The following LSM8 variants were observed in gnomAD, a reference collection of about 807,000 sequenced individuals.
LSM8 encodes the protein LSM8 U6 small nuclear RNA associated.
A neutral mutation model predicts 15.0 loss-of-function variants in LSM8; 14 were observed. That is an observed-to-expected ratio of 0.93 (90% CI 0.62 to 1.46). The LOEUF is 1.46. Among genes scored for constraint, LSM8 ranks in the 40% most tolerant of loss-of-function variants. LSM8 has a pLI of 0.00. For missense variants in LSM8, 90 were observed against 115.4 expected, an observed-to-expected ratio of 0.78 and a Z score of 1.01; for synonymous variants, 50 against 42.1, an observed-to-expected ratio of 1.19 and a Z score of -0.73.
chr7:118,195,794 TAAA>T lies in LSM8; in HGVS notation c.*3795_*3797del, dbSNP rs1334980906. Among the ~76,000 whole-genome samples, 1 of 152,208 alleles carries T rather than the reference TAAA, an allele frequency of 6.6e-6. No individual in the cohort carries two copies. Among genetic ancestry groups the T allele is most frequent in the Non-Finnish European group, 1.5e-5 (1 of 68,024 alleles). On this transcript the variant is annotated 3_prime_UTR_variant, in exon 4 of 4. Transcript: ENST00000249299. Reference sequence around the variant, plus strand: ...AGTTTTAAGTCATGGGCAAATTTGATAAAAATTCCTTTCTGTCTACATGTAATA... The same window carrying T: ...AGTTTTAAGTCATGGGCAAATTTGATAATTCCTTTCTGTCTACATGTAATA...
rs911417747 is a variant in LSM8 at position 118,203,523 on chromosome 7, A to T, written c.*11521A>T. Reference sequence around the variant, plus strand: ...GAAAGGGACTAAAAATCAAGTAAATAGGATAATTGAGTTTCAATGGGCAAG... The same window carrying T: ...GAAAGGGACTAAAAATCAAGTAAATTGGATAATTGAGTTTCAATGGGCAAG... On this transcript the variant is annotated 3_prime_UTR_variant, in exon 4 of 4. Coordinates refer to ENST00000249299, the MANE Select transcript of LSM8 (RefSeq NM_016200.5). Among the ~76,000 whole-genome samples, 16 of 151,848 alleles carry T rather than the reference A, an allele frequency of 1.1e-4. No individual in the cohort carries two copies. Among genetic ancestry groups the T allele is most frequent in the Admixed American group, 3.9e-4 (6 of 15,196 alleles).
chr7:118,188,162 CGTCGTATAG>C (rs1808917141), intron 2 of LSM8, 107 bp from the exon 3 acceptor site: 2 of 1,161,074 alleles, frequency 1.7e-6, no homozygotes, highest in Admixed American at 4.2e-5. Flanking sequence ...TTTTATTTGC[CGTCGTATAG>C]GTACTTGTAT....
In LSM8 at chr7:118,184,174, T is replaced by A. The variant is rs1808838037; in HGVS notation, c.-50T>A. The A allele has an allele frequency of 1.9e-6, 3 of 1,544,154 alleles. No homozygotes were observed. Among genetic ancestry groups the A allele is most frequent in the East Asian group, 5.0e-5 (2 of 39,682 alleles). On this transcript the variant is annotated 5_prime_UTR_variant, in exon 1 of 4. Coordinates refer to ENST00000249299, the MANE Select transcript of LSM8 (RefSeq NM_016200.5). ...GGGTTCTGGCGCGCCCTTTCAGTTC[T>A]GCTTGCTGTCGGCACCGCTGCGTTA... is the stretch of plus-strand genomic sequence containing the variant.
intron 2 of LSM8, among the ~76,000 whole-genome samples, chr7:118,186,422 TA>T (rs1227437179): frequency 6.6e-6 from 1 of 152,226 alleles, no homozygotes; most frequent in Non-Finnish European, 1.5e-5. Flanking sequence ...TTTCTTTAAA[TA>T]ATTTGATCCC....
rs1187907947 is a variant in LSM8, at chr7:118,198,738, A to G, written c.*6736A>G. ...AAGGAGTAGACTGACCTCTCTGTAC[A>G]GTAAAGGCTCAAATCCTTTTTATTG... On this transcript the variant is annotated 3_prime_UTR_variant, in exon 4 of 4. Transcript: ENST00000249299. Among the ~76,000 whole-genome samples, 2 of 152,204 alleles carry G rather than the reference A, an allele frequency of 1.3e-5. No homozygotes were observed. Among genetic ancestry groups the G allele is most frequent in the Admixed American group, 1.3e-4 (2 of 15,282 alleles).
rs1349936901 is a variant in LSM8 at position 118,197,001 on chromosome 7, A to G, written c.*4999A>G. Among the ~76,000 whole-genome samples, 2 of 152,000 alleles carry G rather than the reference A, an allele frequency of 1.3e-5. No homozygotes were observed. Among genetic ancestry groups the G allele is most frequent in the Non-Finnish European group, 2.9e-5 (2 of 68,014 alleles). Reference sequence around the variant, plus strand: ...TTCGGCGTCCCAAAGTGCTGGAATTACAGGCATGAACCACCACGCCCAGCC... The same window carrying G: ...TTCGGCGTCCCAAAGTGCTGGAATTGCAGGCATGAACCACCACGCCCAGCC... On this transcript the variant is annotated 3_prime_UTR_variant, in exon 4 of 4. Transcript: ENST00000249299.
At position 118,202,379 on chromosome 7, in the gene LSM8, A is replaced by T. The variant is rs1809184891; in HGVS notation, c.*10377A>T. Reference sequence around the variant, plus strand: ...AAAAGTGAAAAGCAAGGCAGTTCAGACTGGGGCACCTACTCAAAGAAGTGA... The same window carrying T: ...AAAAGTGAAAAGCAAGGCAGTTCAGTCTGGGGCACCTACTCAAAGAAGTGA... On this transcript the variant is annotated 3_prime_UTR_variant, in exon 4 of 4. Coordinates refer to ENST00000249299, the MANE Select transcript of LSM8 (RefSeq NM_016200.5). 6.6e-6 allele frequency among the ~76,000 whole-genome samples: 1 copy of T among 151,990 alleles called. No homozygotes were observed. The highest frequency in any genetic ancestry group is 1.9e-4 in the East Asian group (1 of 5,190).
chr7:118,186,857 G>A (rs1024226543), intron 2 of LSM8, among the ~76,000 whole-genome samples: 3 of 152,160 alleles, frequency 2.0e-5, no homozygotes, highest in Non-Finnish European at 4.4e-5. Flanking sequence ...ACTTCAGGAA[G>A]CCTATTGCTG....
rs1380034520 is a variant in LSM8 at position 118,202,286 on chromosome 7, T to C, written c.*10284T>C. Among the ~76,000 whole-genome samples the C allele has an allele frequency of 6.6e-6, 1 of 152,032 alleles. No homozygotes were observed. Among genetic ancestry groups the C allele is most frequent in the East Asian group, 1.9e-4 (1 of 5,196 alleles). On this transcript the variant is annotated 3_prime_UTR_variant, in exon 4 of 4. Transcript: ENST00000249299. The stretch of plus-strand genomic sequence containing the variant: ...TAGAATGGTATTTGGCTATAAGCAC[T>C]GGAAACTCTGACTGCCAGTGGCTTT...
At chr7:118,186,476 T>G (rs908608716) in intron 2 of LSM8, among the ~76,000 whole-genome samples, 3 of 152,240 alleles carry the variant, frequency 2.0e-5, no homozygotes, top group African/African-American at 4.8e-5. Context: ...CATTTTCTTT[T>G]TAAGCCTTGT....
chr7:118,196,700 TTTTATTTATTTATTTATTTA>T lies in LSM8; in HGVS notation c.*4726_*4745del, dbSNP rs200053888. On this transcript the variant is annotated 3_prime_UTR_variant, in exon 4 of 4. Coordinates refer to ENST00000249299, the MANE Select transcript of LSM8 (RefSeq NM_016200.5). ...TTTCTTTTTTTTTAAGTCCTTTAAT[TTTTATTTATTTATTTATTTA>T]TTTATTTATTTATTTATTTATTTAT... Among the ~76,000 whole-genome samples the T allele has an allele frequency of 2.1e-3, 268 of 129,804 alleles. No homozygotes were observed. Among genetic ancestry groups the T allele is most frequent in the Admixed American group, 3.1e-3 (39 of 12,758 alleles). The allele number at this position is 129,804 out of a possible 152,430, so 85.2% of individuals were successfully genotyped here.
chr7:118,190,239 G>A (rs1158183209), intron 3 of LSM8: 1 of 152,154 alleles, frequency 6.6e-6, no homozygotes, highest in Non-Finnish European at 1.5e-5. Context: ...TGACTTTTAG[G>A]TGGAGTTACA....
chr7:118,191,628 T>A (rs1003598275), intron 3 of LSM8: 3 of 262,744 alleles, frequency 1.1e-5, no homozygotes, highest in Non-Finnish European at 2.2e-5. Flanking sequence ...TGTGTCTGTT[T>A]CCTTTAAAGA....
chr7:118,184,387 G>A (rs1808847130), intron 1 of LSM8, 133 bp downstream of exon 1: 4 of 1,100,964 alleles, frequency 3.6e-6, no homozygotes, highest in Non-Finnish European at 3.6e-6. Context: ...GCCCCGGAAC[G>A]ACCCAGAGTT....
chr7:118,188,876 GTACT>G (rs2115917223), intron 3 of LSM8: 1 of 152,490 alleles, frequency 6.6e-6, no homozygotes, highest in African/African-American at 2.4e-5. Flanking sequence ...TTATAAATAA[GTACT>G]TACTCGTTAT....
chr7:118,187,827 A>T (rs1808912893), intron 2 of LSM8, among the ~76,000 whole-genome samples: 1 of 152,228 alleles, frequency 6.6e-6, no homozygotes, highest in Non-Finnish European at 1.5e-5. Context: ...CAGTGTGTTT[A>T]GCACACTGCC....
rs1809067443 is a variant in LSM8 at position 118,195,767 on chromosome 7, T to G, written c.*3765T>G. Among the ~76,000 whole-genome samples the G allele has an allele frequency of 6.6e-6, 1 of 152,198 alleles. No individual in the cohort carries two copies. The highest frequency in any genetic ancestry group is 1.5e-5 in the Non-Finnish European group (1 of 68,038). Reference sequence around the variant, plus strand: ...TTTAAAAAAACTTGGGCTGTGAATCTCAGTTTTAAGTCATGGGCAAATTTG... The same window carrying G: ...TTTAAAAAAACTTGGGCTGTGAATCGCAGTTTTAAGTCATGGGCAAATTTG... On this transcript the variant is annotated 3_prime_UTR_variant, in exon 4 of 4. Transcript: ENST00000249299.
intron 1 of LSM8, chr7:118,184,607 A>C (rs997723276): frequency 2.5e-5 from 5 of 200,604 alleles, no homozygotes; most frequent in Middle Eastern, 1.7e-3. Flanking sequence ...CGGCGACAAC[A>C]GTTTTGCAAA....
rs1809044549 is a variant in LSM8, at chr7:118,194,529, G to A, written c.*2527G>A. On this transcript the variant is annotated 3_prime_UTR_variant, in exon 4 of 4. Coordinates refer to ENST00000249299, the MANE Select transcript of LSM8 (RefSeq NM_016200.5). ...AAGAGAGAAAGTTTTACTAATATTT[G>A]CTTAAACATCCTGTTTAACAACTTT... 1.3e-5 allele frequency among the ~76,000 whole-genome samples: 2 copies of A among 152,006 alleles called. No individual in the cohort carries two copies. The highest frequency in any genetic ancestry group is 4.2e-4 in the South Asian group (2 of 4,818).
Sources: allele counts gnomAD v4.1 joint callset (sites outside exome capture counted in the v4.1 genomes callset), GRCh38; gene constraint gnomAD v4.1.1; transcripts MANE v1.5; gene names NCBI Gene and HGNC (gene_info 2026-07-23, HGNC 2026-07-21).